The following PARD3B variants were observed in gnomAD, a reference collection of about 807,000 sequenced individuals.
PARD3B encodes partitioning defective 3 homolog B.
In PARD3B, 103 loss-of-function variants were observed where a neutral mutation model predicts 130.2. The observed-to-expected ratio is 0.79, with a 90% CI of 0.67 to 0.93. PARD3B has a LOEUF of 0.93. Ranked by LOEUF, PARD3B falls within the 40% of genes least tolerant of loss-of-function variation. The pLI, the probability that PARD3B is intolerant of heterozygous loss-of-function variation, is 0.00. For missense variants in PARD3B, 1,609 were observed against 1,499.2 expected (o/e 1.07, Z -1.21); for synonymous variants, 583 against 553.2 (o/e 1.05, Z -0.76).
intron 1 of PARD3B, among the ~76,000 whole-genome samples, chr2:204,556,958 T>C (rs1463467377): frequency 1.3e-5 from 2 of 152,158 alleles, no homozygotes; most frequent in African/African-American, 4.8e-5. Context: ...CTTCTTGTTT[T>C]TGATGATGTC....
rs1389600523 is a variant in PARD3B, at chr2:205,563,413, A to G, written c.3260+10010A>G. On this transcript the variant is annotated intron_variant, in intron 22 of 22. Transcript: ENST00000406610. This position sits in a 1 kb window ranked among gnomAD's most constrained non-coding sequence, Gnocchi z 4.2. The stretch of plus-strand genomic sequence containing the variant: ...GTATCCTTGAAGTCACAGAATCAGA[A>G]TCAGAATTCAAACCCAGGACTCTCT... Among the ~76,000 whole-genome samples, 1 of 152,340 alleles carries G rather than the reference A, an allele frequency of 6.6e-6. No homozygotes were observed. Among genetic ancestry groups the G allele is most frequent in the South Asian group, 2.1e-4 (1 of 4,822 alleles).
At chr2:204,761,553 G>GA (rs1432644245) in intron 2 of PARD3B, among the ~76,000 whole-genome samples, 1 of 146,580 alleles carries the variant, frequency 6.8e-6, no homozygotes, top group Non-Finnish European at 1.5e-5. Flanking sequence ...ACCCATAGTT[G>GA]TTTTTTTTTA....
chr2:205,440,690 AG>A lies in PARD3B; in HGVS notation c.3044+19del. On this transcript the variant is annotated intron_variant, in intron 20 of 22. Coordinates refer to ENST00000406610, the MANE Select transcript of PARD3B (RefSeq NM_001302769.2). The surrounding 1 kb of genome is among the most constrained non-coding windows in gnomAD (Gnocchi z 4.2). ...GCTGACAGGTAATAAACTTAGTGAA[AG>A]ATAAATGTAGCTTTAATTCAGTATG... 1 of 1,591,408 alleles carries A rather than the reference AG, an allele frequency of 6.3e-7. No homozygotes were observed. The highest frequency in any genetic ancestry group is 8.6e-7 in the Non-Finnish European group (1 of 1,160,448).
At position 204,799,605 on chromosome 2, in the gene PARD3B, CAGT is replaced by C. The variant is rs1377008488; in HGVS notation, c.222+113324_222+113326del. Among the ~76,000 whole-genome samples the C allele has an allele frequency of 6.6e-6, 1 of 152,188 alleles. No homozygotes were observed. The highest frequency in any genetic ancestry group is 1.5e-5 in the Non-Finnish European group (1 of 68,032). On this transcript the variant is annotated intron_variant, in intron 2 of 22. Coordinates refer to ENST00000406610, the MANE Select transcript of PARD3B (RefSeq NM_001302769.2). This position sits in a 1 kb window ranked among gnomAD's most constrained non-coding sequence, Gnocchi z 4.1. ...CTTCAGGTGTGACACAATGCAGACT[CAGT>C]GGTGGTGGCCACAGGTGTGCTCATG...
intron 21 of PARD3B, among the ~76,000 whole-genome samples, chr2:205,518,183 G>C (rs2050875365): frequency 6.6e-6 from 1 of 152,024 alleles, no homozygotes; most frequent in South Asian, 2.1e-4. Context: ...TGGAGTGTAG[G>C]AGTCTCCTAC....
chr2:204,886,867 TG>T (rs2046287179), intron 2 of PARD3B, among the ~76,000 whole-genome samples: 2 of 152,174 alleles, frequency 1.3e-5, no homozygotes, highest in Non-Finnish European at 2.9e-5. Context: ...ACAGGTGGTG[TG>T]TTTAACATCA....
At chr2:205,603,160 T>G (rs1283469571) in intron 22 of PARD3B, among the ~76,000 whole-genome samples, 1 of 152,182 alleles carries the variant, frequency 6.6e-6, no homozygotes, top group Non-Finnish European at 1.5e-5. Flanking sequence ...TTCCATGCAG[T>G]TGTGTGGTTT....
chr2:204,693,514 C>T (rs9973324), intron 2 of PARD3B, among the ~76,000 whole-genome samples: 17,328 of 152,036 alleles, frequency 0.11, 2,258 homozygotes, highest in African/African-American at 0.32. Context: ...TGTAAGTTAA[C>T]ACGAAGTGTT....
At chr2:205,526,465 C>T (rs1481898622) in intron 21 of PARD3B, among the ~76,000 whole-genome samples, 5 of 152,116 alleles carry the variant, frequency 3.3e-5, no homozygotes, top group African/African-American at 1.2e-4. Context: ...CAGAAGTATG[C>T]CAGCCAGAAA....
At chr2:205,579,853 G>A (rs1227456644) in intron 22 of PARD3B, among the ~76,000 whole-genome samples, 1 of 152,186 alleles carries the variant, frequency 6.6e-6, no homozygotes, top group East Asian at 1.9e-4. Context: ...ATAATAGCCA[G>A]TTGGCTCTTG....
chr2:205,158,592 G>A lies in PARD3B; in HGVS notation c.1435-130G>A, dbSNP rs774532670. 29 of 924,362 alleles carry A rather than the reference G, an allele frequency of 3.1e-5. No individual in the cohort carries two copies. Among genetic ancestry groups the A allele is most frequent in the Non-Finnish European group, 4.6e-5 (28 of 611,050 alleles). The allele number at this position is 924,362 out of a possible 1,614,324, so 57.3% of individuals were successfully genotyped here. On this transcript the variant is annotated intron_variant, in intron 10 of 22. Transcript: ENST00000406610. This position sits in a 1 kb window ranked among gnomAD's most constrained non-coding sequence, Gnocchi z 5.4. Reference sequence around the variant, plus strand: ...GCTAAACCCAGCCTTTGCCTGCCAGGAGCCGATTACAGCTGTGAGAGGTCC... The same window carrying A: ...GCTAAACCCAGCCTTTGCCTGCCAGAAGCCGATTACAGCTGTGAGAGGTCC...
intron 22 of PARD3B, among the ~76,000 whole-genome samples, chr2:205,581,409 G>A (rs1055815781): frequency 0.024 from 1,895 of 80,174 alleles, 28 homozygotes; most frequent in African/African-American, 0.044. Flanking sequence ...ATATATATAA[G>A]TATATATAAA....
intron 3 of PARD3B, among the ~76,000 whole-genome samples, chr2:204,991,885 G>A (rs1457171173): frequency 6.7e-6 from 1 of 150,042 alleles, no homozygotes; most frequent in Non-Finnish European, 1.5e-5. Context: ...CTTTTGAGAC[G>A]TGTCTGTTCA....
At chr2:204,954,856 T>C (rs1690100608) in intron 2 of PARD3B, among the ~76,000 whole-genome samples, 1 of 152,234 alleles carries the variant, frequency 6.6e-6, no homozygotes, top group Admixed American at 6.5e-5. Flanking sequence ...ATACTGTTTT[T>C]TCTATCAACC....
chr2:204,933,594 A>C (rs1465361447), intron 2 of PARD3B, among the ~76,000 whole-genome samples: 3 of 152,214 alleles, frequency 2.0e-5, no homozygotes, highest in African/African-American at 4.8e-5. Flanking sequence ...GTGACTGTAA[A>C]GCCCCAAATT....
At chr2:204,661,776 T>C (rs1381693524) in intron 1 of PARD3B, among the ~76,000 whole-genome samples, 1 of 152,200 alleles carries the variant, frequency 6.6e-6, no homozygotes, top group South Asian at 2.1e-4. Flanking sequence ...CAAAAATCTT[T>C]ACTGAAAAAA....
intron 4 of PARD3B, among the ~76,000 whole-genome samples, chr2:205,085,410 T>A (rs1701684177): frequency 6.6e-6 from 1 of 152,020 alleles, no homozygotes. Flanking sequence ...ATTATTTCAT[T>A]TTAAAACATG....
At chr2:205,604,453 A>G (rs1295338023) in intron 22 of PARD3B, among the ~76,000 whole-genome samples, 1 of 152,206 alleles carries the variant, frequency 6.6e-6, no homozygotes, top group East Asian at 1.9e-4. Flanking sequence ...AGCATGGGAA[A>G]GACTTGCCCC....
At chr2:205,273,565 A>G (rs1167910617) in intron 16 of PARD3B, among the ~76,000 whole-genome samples, 1 of 152,202 alleles carries the variant, frequency 6.6e-6, no homozygotes, top group Admixed American at 6.5e-5. Flanking sequence ...AATCTTGACC[A>G]TGAATCCAGG....
Sources: allele counts gnomAD v4.1 joint callset (sites outside exome capture counted in the v4.1 genomes callset), GRCh38; gene constraint gnomAD v4.1.1; non-coding constraint Gnocchi (gnomAD v3.1); transcripts MANE v1.5; gene names NCBI Gene and HGNC (gene_info 2026-07-23, HGNC 2026-07-21).